UROC1: variants seen among roughly 807,000 people sequenced by gnomAD.
UROC1 encodes the protein urocanate hydratase.
A neutral mutation model predicts 89.5 loss-of-function variants in UROC1; 79 were observed. The ratio of observed to expected loss-of-function variants is 0.88; its 90% CI spans 0.74 to 1.06. The LOEUF is 1.06. Among genes scored for constraint, UROC1 ranks in the 50% least tolerant of loss-of-function variants. The pLI is 0.00. For missense variants in UROC1, 885 were observed against 907.8 expected (o/e 0.97, Z 0.32); for synonymous variants, 361 against 354.8 (o/e 1.02, Z -0.20).
intron 6 of UROC1, among the ~76,000 whole-genome samples, chr3:126,507,380 T>C (rs1576727881): frequency 6.7e-6 from 1 of 148,944 alleles, no homozygotes; most frequent in African/African-American, 2.5e-5. Flanking sequence ...ACAAGTTGAA[T>C]GGATGGATAG....
Position 126,512,150 on chromosome 3 carries a change from C to T in UROC1, c.127-1356G>A, listed in dbSNP as rs1002164643. 5.9e-5 allele frequency among the ~76,000 whole-genome samples: 9 copies of T among 152,360 alleles called. 1 individual carries two copies. The highest frequency in any genetic ancestry group is 3.9e-4 in the East Asian group (2 of 5,186). On this transcript the variant is annotated intron_variant, in intron 1 of 19. Coordinates refer to ENST00000290868, the MANE Select transcript of UROC1 (RefSeq NM_144639.3). Reference sequence around the variant, plus strand: ...GGCAGCTCTCCACATTAAAACAAGACGATGGGGCTCACACAGGTCGTGTGA... The same window carrying T: ...GGCAGCTCTCCACATTAAAACAAGATGATGGGGCTCACACAGGTCGTGTGA...
intron 1 of UROC1, among the ~76,000 whole-genome samples, chr3:126,515,444 C>G (rs1025648025): frequency 3.1e-4 from 46 of 147,894 alleles, no homozygotes; most frequent in Non-Finnish European, 6.0e-4. Context: ...CTCCCCTGCC[C>G]CCAGTGCCCA....
intron 1 of UROC1, among the ~76,000 whole-genome samples, chr3:126,514,716 G>A (rs768430357): frequency 6.6e-5 from 10 of 151,842 alleles, no homozygotes; most frequent in Admixed American, 4.6e-4. Context: ...CATAGAATGT[G>A]TTTCTGAAAT....
intron 1 of UROC1, among the ~76,000 whole-genome samples, chr3:126,512,081 C>G (rs912476861): frequency 6.6e-6 from 1 of 152,226 alleles, no homozygotes; most frequent in African/African-American, 2.4e-5. Flanking sequence ...AAGAAAGGCT[C>G]ACTCTCACTG....
In UROC1 at chr3:126,500,817, T is replaced by A. The variant is rs767033814; in HGVS notation, c.1023A>T (p.Ser341=). Residue 341 remains serine (S), a synonymous_variant, in exon 11 of 20, where the codon TCA becomes TCT. Coordinates refer to ENST00000290868, the MANE Select transcript of UROC1 (RefSeq NM_144639.3). ...TTGECLVDLG[S]DQTSCHNPFN... ...ACGGGTTGTGGCAGGATGTCTGATC[T>A]GACCCCAGGTCCACCAAGCACTCCC... 5.0e-6 allele frequency: 8 copies of A among 1,614,022 alleles called. No homozygotes were observed. The Admixed American group carries it at 1.3e-4, about 27-fold the overall frequency.
At chr3:126,503,492 G>A (rs1576724657) in intron 9 of UROC1, among the ~76,000 whole-genome samples, 1 of 152,324 alleles carries the variant, frequency 6.6e-6, no homozygotes, top group Middle Eastern at 3.4e-3. Flanking sequence ...GAAACCCACC[G>A]ACTGCCCCTC....
At chr3:126,511,299 A>G (rs182646071) in intron 1 of UROC1, among the ~76,000 whole-genome samples, 1 of 152,326 alleles carries the variant, frequency 6.6e-6, no homozygotes, top group East Asian at 1.9e-4. Context: ...CTACCCAGAT[A>G]CATACACCCA....
chr3:126,505,616 T>C (rs1344542315), intron 8 of UROC1, 85 bp downstream of exon 8: 22 of 1,542,794 alleles, frequency 1.4e-5, no homozygotes, highest in Middle Eastern at 3.4e-4. Flanking sequence ...GGGTCTGTGG[T>C]GTAAGTGATC....
intron 6 of UROC1, among the ~76,000 whole-genome samples, chr3:126,507,163 C>T (rs62266270): frequency 0.011 from 1,648 of 152,252 alleles, 24 homozygotes; most frequent in Middle Eastern, 0.02. Context: ...TGTGCGAGAC[C>T]TCTCTGGGGC....
At chr3:126,502,926 G>A (rs1008332616) in intron 9 of UROC1, among the ~76,000 whole-genome samples, 4 of 149,374 alleles carry the variant, frequency 2.7e-5, no homozygotes, top group African/African-American at 9.8e-5. Flanking sequence ...ATGTGCATGT[G>A]TGTGTTGTGT....
At chr3:126,491,478 C>T (rs1935649713) in intron 16 of UROC1, among the ~76,000 whole-genome samples, 1 of 152,234 alleles carries the variant, frequency 6.6e-6, no homozygotes, top group South Asian at 2.1e-4. Flanking sequence ...CCTAGCAGTC[C>T]CCGGGAACAC....
At chr3:126,488,601 C>T (rs1364980915) in intron 17 of UROC1, among the ~76,000 whole-genome samples, 1 of 152,168 alleles carries the variant, frequency 6.6e-6, no homozygotes, top group Admixed American at 6.5e-5. Flanking sequence ...AAGTAGAGTG[C>T]CAAAGAGAGT....
chr3:126,490,082 C>T (rs1280068737), intron 16 of UROC1, among the ~76,000 whole-genome samples: 2 of 152,200 alleles, frequency 1.3e-5, no homozygotes, highest in South Asian at 2.1e-4. Context: ...AGGTCACTTC[C>T]GTCTGGGAAT....
At chr3:126,495,500 G>A (rs1935755884) in intron 15 of UROC1, among the ~76,000 whole-genome samples, 1 of 152,182 alleles carries the variant, frequency 6.6e-6, no homozygotes. Flanking sequence ...TTGAGGCCGA[G>A]TCATATTCCA....
intron 18 of UROC1, among the ~76,000 whole-genome samples, chr3:126,487,913 T>A (rs543006162): frequency 6.6e-6 from 1 of 152,250 alleles, no homozygotes; most frequent in African/African-American, 2.4e-5. Context: ...CACTGGAAAC[T>A]GACATGAGGA....
rs1936148026 is a variant in UROC1, at chr3:126,509,467, T to C, written c.351+118A>G. The stretch of plus-strand genomic sequence containing the variant: ...GGGCCAGGGACCTCTCTTACTAGCT[T>C]TGCAACTTTCTGTGAATCTATAATT... On this transcript the variant is annotated intron_variant, in intron 3 of 19. Coordinates refer to ENST00000290868, the MANE Select transcript of UROC1 (RefSeq NM_144639.3). The C allele has an allele frequency of 4.8e-6, 5 of 1,036,332 alleles. No individual in the cohort carries two copies. In the Admixed American group the frequency reaches 1.0e-4, roughly 21 times the overall value. 64.2% of individuals were successfully genotyped at this position (1,036,332 alleles called of 1,614,324 possible). A position where few individuals can be genotyped will look rare whatever the true frequency, so the allele number is the denominator to read the frequency against.
intron 8 of UROC1, among the ~76,000 whole-genome samples, chr3:126,504,388 A>T (rs2107545878): frequency 6.6e-6 from 1 of 152,310 alleles, no homozygotes; most frequent in Middle Eastern, 3.4e-3. Context: ...AAGAACATCG[A>T]TTTCAACTAA....
intron 9 of UROC1, 157 bp from the exon 10 acceptor site, chr3:126,501,437 C>A: frequency 2.5e-6 from 2 of 809,762 alleles, no homozygotes; most frequent in South Asian, 1.6e-5. Context: ...ATGAAGCATG[C>A]CTGCAGGACC....
intron 15 of UROC1, among the ~76,000 whole-genome samples, chr3:126,494,939 C>G (rs1304075824): frequency 6.6e-6 from 1 of 151,566 alleles, no homozygotes; most frequent in Non-Finnish European, 1.5e-5. Flanking sequence ...GCCACAGGGG[C>G]CTGCTCCAAA....
Sources: gnomAD v4.1 joint callset for allele counts (sites outside exome capture counted in the v4.1 genomes callset) on GRCh38, gnomAD v4.1.1 for gene constraint, MANE v1.5 for transcripts, NCBI Gene and HGNC (gene_info 2026-07-23, HGNC 2026-07-21) for gene names.